The following FARP1 variants were observed in gnomAD, a reference collection of about 807,000 sequenced individuals.
FARP1 encodes FERM, ARHGEF and pleckstrin domain-containing protein 1.
Under a neutral mutation model 128.8 loss-of-function variants are expected in FARP1, and 52 were observed. The ratio of observed to expected loss-of-function variants is 0.40; its 90% confidence interval spans 0.32 to 0.51. FARP1 has a LOEUF of 0.51. FARP1 is among the 20% of genes least tolerant of loss of function. The pLI, the probability that FARP1 is intolerant of heterozygous loss-of-function variation, is 0.45. For missense variants in FARP1, 1,333 were observed against 1,367.9 expected, an observed-to-expected ratio of 0.97 and a Z score of 0.40; for synonymous variants, 580 against 551.8, an observed-to-expected ratio of 1.05 and a Z score of -0.72.
chr13:98,410,105 C>T (rs1322060255), intron 14 of FARP1, among the ~76,000 whole-genome samples: 1 of 152,230 alleles, frequency 6.6e-6, no homozygotes, highest in Non-Finnish European at 1.5e-5. Flanking sequence ...GTACACCCAG[C>T]AGTGGAGTCA....
At chr13:98,268,031 G>A (rs1462276197) in intron 2 of FARP1, among the ~76,000 whole-genome samples, 1 of 152,186 alleles carries the variant, frequency 6.6e-6, no homozygotes, top group Admixed American at 6.5e-5. Flanking sequence ...TTACATACAG[G>A]CACATTGTTC....
chr13:98,255,577 T>C (rs1056924970), intron 2 of FARP1, among the ~76,000 whole-genome samples: 1 of 152,248 alleles, frequency 6.6e-6, no homozygotes, highest in African/African-American at 2.4e-5. Flanking sequence ...TAAAATATTA[T>C]GAAACAATGC....
chr13:98,221,664 T>C (rs1881421534), intron 2 of FARP1, among the ~76,000 whole-genome samples: 1 of 152,242 alleles, frequency 6.6e-6, no homozygotes, highest in Admixed American at 6.5e-5. Flanking sequence ...ATTTTTGCTT[T>C]CCTGATTTCT....
At position 98,436,144 on chromosome 13, in the gene FARP1, A is replaced by G. The variant is rs193054164; in HGVS notation, c.2274+438A>G. 427 of 214,834 alleles carry G rather than the reference A, an allele frequency of 2.0e-3. 1 individual carries two copies. Among genetic ancestry groups the G allele is most frequent in the Admixed American group, 4.8e-3 (86 of 18,090 alleles). 13.3% of individuals were successfully genotyped at this position (214,834 alleles called of 1,614,324 possible). A position where few individuals can be genotyped will look rare whatever the true frequency, so the allele number is the denominator to read the frequency against. On this transcript the variant is annotated intron_variant, in intron 19 of 26. Coordinates refer to ENST00000319562, the MANE Select transcript of FARP1 (RefSeq NM_005766.4). ...GTTTTTTTAAAATTCAATCTTCCAT[A>G]TATAATTTAATTTGAGTTCAAAATT...
intron 2 of FARP1, among the ~76,000 whole-genome samples, chr13:98,279,772 A>G (rs58647466): frequency 0.087 from 13,213 of 152,136 alleles, 1,171 homozygotes; most frequent in African/African-American, 0.23. Flanking sequence ...GTGCCTTGCT[A>G]CTGTTACTCG....
At chr13:98,207,908 CCACACACACACA>C (rs71111934) in intron 1 of FARP1, among the ~76,000 whole-genome samples, 3,994 of 71,546 alleles carry the variant, frequency 0.056, 123 homozygotes, top group Middle Eastern at 0.11. Context: ...ACCACCACCT[CCACACACACACA>C]CACACACACA....
At position 98,379,004 on chromosome 13, in the gene FARP1, CAATATATAATCTATATATAATA is replaced by C; in HGVS notation, c.496+1087_496+1108del. 3.4e-5 allele frequency among the ~76,000 whole-genome samples: 2 copies of C among 58,036 alleles called. 1 individual carries two copies. The highest frequency in any genetic ancestry group is 9.0e-4 in the East Asian group (2 of 2,218). 38.1% of individuals were successfully genotyped at this position (58,036 alleles called of 152,430 possible). On this transcript the variant is annotated intron_variant, in intron 6 of 26. Transcript: ENST00000319562. ...ATATATAATATATATATAATATATA[CAATATATAATCTATATATAATA>C]TATATAATATATACAATATGTAATC...
chr13:98,388,247 A>G, intron 8 of FARP1, 136 bp from the exon 9 acceptor site: 3 of 647,468 alleles, frequency 4.6e-6, no homozygotes, highest in Non-Finnish European at 8.5e-6. Flanking sequence ...AGATCCTGTG[A>G]GTTCTCTGCA....
At chr13:98,410,203 G>A (rs1273417044) in intron 14 of FARP1, among the ~76,000 whole-genome samples, 1 of 152,196 alleles carries the variant, frequency 6.6e-6, no homozygotes, top group African/African-American at 2.4e-5. Context: ...AGGTTGAATG[G>A]CCGGCCTCCT....
At chr13:98,339,377 A>G (rs1426968423) in intron 2 of FARP1, among the ~76,000 whole-genome samples, 4 of 152,208 alleles carry the variant, frequency 2.6e-5, no homozygotes, top group African/African-American at 4.8e-5. Context: ...ACTCCTCATT[A>G]TCAGGAGAAC....
At position 98,176,194 on chromosome 13, in the gene FARP1, T is replaced by A. The variant is rs762063976; in HGVS notation, c.-24+32702T>A. 24 of 1,609,628 alleles carry A rather than the reference T, an allele frequency of 1.5e-5. No individual in the cohort carries two copies. The highest frequency in any genetic ancestry group is 5.3e-5 in the African/African-American group (4 of 74,804). On this transcript the variant is annotated intron_variant, in intron 1 of 26. Transcript: ENST00000319562. This position sits in a 1 kb window ranked among gnomAD's most constrained non-coding sequence, Gnocchi z 6.2. The stretch of plus-strand genomic sequence containing the variant: ...CTTTTTTCCTAAAAGAACAAAAAAA[T>A]TTATTTAAATGTGAGAATTATGGGA...
At chr13:98,417,675 G>T (rs1891439806) in intron 16 of FARP1, among the ~76,000 whole-genome samples, 1 of 152,070 alleles carries the variant, frequency 6.6e-6, no homozygotes, top group Admixed American at 6.5e-5. Context: ...GCAGAGAGGG[G>T]GCTCTTTCAG....
intron 1 of FARP1, among the ~76,000 whole-genome samples, chr13:98,208,770 G>A (rs879291197): frequency 5.9e-5 from 9 of 152,272 alleles, no homozygotes; most frequent in Non-Finnish European, 8.8e-5. Context: ...GATTTGAGTC[G>A]CTGTGGATGT....
chr13:98,155,343 CAAAAAAAAA>C (rs67425847), intron 1 of FARP1, among the ~76,000 whole-genome samples: 1 of 64,552 alleles, frequency 1.5e-5, no homozygotes, highest in African/African-American at 6.3e-5. Flanking sequence ...AACTCTGTCT[CAAAAAAAAA>C]AAAAAAAAAA....
intron 2 of FARP1, among the ~76,000 whole-genome samples, chr13:98,319,758 G>A (rs747426032): frequency 5.9e-5 from 9 of 151,952 alleles, no homozygotes; most frequent in Non-Finnish European, 1.2e-4. Flanking sequence ...CAAATAACTT[G>A]GTATAATCTG....
intron 3 of FARP1, among the ~76,000 whole-genome samples, chr13:98,348,873 A>C (rs16955394): frequency 0.11 from 16,440 of 152,144 alleles, 1,167 homozygotes; most frequent in African/African-American, 0.2. Context: ...GGTATTCTAT[A>C]ACCCAAATTT....
At chr13:98,447,854 A>AT in intron 26 of FARP1, 1 of 210,562 alleles carries the variant, frequency 4.7e-6, no homozygotes, top group Non-Finnish European at 9.5e-6. Flanking sequence ...CAAAAAAAAA[A>AT]GAAAAAGAAA....
intron 2 of FARP1, among the ~76,000 whole-genome samples, chr13:98,259,234 AT>A (rs759059576): frequency 6.6e-6 from 1 of 152,044 alleles, no homozygotes; most frequent in East Asian, 1.9e-4. Context: ...AGATATGTAT[AT>A]TTTTATATTC....
chr13:98,208,586 C>G (rs557323103), intron 1 of FARP1: 5 of 152,714 alleles, frequency 3.3e-5, no homozygotes, highest in African/African-American at 1.2e-4. Context: ...TGTCTTAGAA[C>G]CCCTATGTTA....
Sources: gnomAD v4.1 joint callset for allele counts (sites outside exome capture counted in the v4.1 genomes callset) on GRCh38, gnomAD v4.1.1 for gene constraint, Gnocchi (gnomAD v3.1) non-coding constraint, MANE v1.5 for transcripts, NCBI Gene and HGNC (gene_info 2026-07-23, HGNC 2026-07-21) for gene names.